Variants in KCNMA1 observed in about 807,000 individuals in gnomAD.
KCNMA1 encodes Calcium-activated potassium channel subunit alpha-1.
KCNMA1 carries 29 observed loss-of-function variants against 140.0 expected under a neutral mutation model. The ratio of observed to expected loss-of-function variants is 0.21; its 90% CI spans 0.15 to 0.28. The LOEUF (loss-of-function observed/expected upper bound fraction) is 0.28. Ranked by LOEUF, KCNMA1 falls within the 10% of genes least tolerant of loss-of-function variation. The pLI is 1.00. For missense variants in KCNMA1, 880 were observed against 1,602.2 expected (o/e 0.55, Z 7.70); for synonymous variants, 612 against 611.9 (o/e 1.00, Z 0.00).
chr10:77,337,596 G>A (rs2089576144), intron 2 of KCNMA1, among the ~76,000 whole-genome samples: 1 of 152,152 alleles, frequency 6.6e-6, no homozygotes, highest in African/African-American at 2.4e-5. Flanking sequence ...CTCCAGCCTG[G>A]GTGACAGAGT....
intron 2 of KCNMA1, among the ~76,000 whole-genome samples, chr10:77,307,628 G>C (rs192323525): frequency 6.6e-6 from 1 of 152,200 alleles, no homozygotes; most frequent in East Asian, 1.9e-4. Context: ...CTCACTGCAA[G>C]CTCCACCTCC....
At chr10:76,995,933 A>G (rs2084167854) in intron 19 of KCNMA1, among the ~76,000 whole-genome samples, 1 of 152,068 alleles carries the variant, frequency 6.6e-6, no homozygotes, top group African/African-American at 2.4e-5. Flanking sequence ...TTGTTTCCCA[A>G]TCCTGTTTCA....
chr10:77,636,139 T>G, intron 1 of KCNMA1: 1 of 1,242,550 alleles, frequency 8.0e-7, no homozygotes, highest in Non-Finnish European at 1.1e-6. Context: ...CCAAAACGGT[T>G]CGCGCGTGAA....
chr10:77,211,901 G>A lies in KCNMA1; in HGVS notation c.603-26985C>T, dbSNP rs1003712527. Among the ~76,000 whole-genome samples the A allele has an allele frequency of 5.5e-4, 84 of 152,144 alleles. 1 individual carries two copies. The highest frequency in any genetic ancestry group is 1.9e-3 in the African/African-American group (78 of 41,538). The stretch of plus-strand genomic sequence containing the variant: ...CAAATTTAAACCACAATGAGATACC[G>A]TCTCACACCAGTTAGAATGGCTATT... On this transcript the variant is annotated intron_variant, in intron 3 of 27. Coordinates refer to ENST00000286628, the MANE Select transcript of KCNMA1 (RefSeq NM_001161352.2).
intron 19 of KCNMA1, among the ~76,000 whole-genome samples, chr10:76,992,527 G>A (rs879534047): frequency 2.0e-5 from 3 of 152,130 alleles, no homozygotes; most frequent in South Asian, 2.1e-4. Flanking sequence ...CAACAAGCTG[G>A]TTTGGGAGAA....
chr10:76,918,881 T>C (rs959698117), intron 23 of KCNMA1, among the ~76,000 whole-genome samples: 2 of 149,358 alleles, frequency 1.3e-5, no homozygotes, highest in Admixed American at 1.4e-4. Flanking sequence ...AACTGTGAGA[T>C]ATATATATAT....
At chr10:77,291,680 A>G (rs184163575) in intron 2 of KCNMA1, among the ~76,000 whole-genome samples, 44 of 152,332 alleles carry the variant, frequency 2.9e-4, no homozygotes, top group African/African-American at 1.1e-3. Flanking sequence ...GGCTGCGGTG[A>G]GCTGCTTCAT....
chr10:76,931,159 C>T (rs1379447027), intron 23 of KCNMA1, among the ~76,000 whole-genome samples: 1 of 151,976 alleles, frequency 6.6e-6, no homozygotes, highest in African/African-American at 2.4e-5. Context: ...GACACACACC[C>T]GGGCACACAC....
At chr10:77,304,948 G>A (rs1013666369) in intron 2 of KCNMA1, among the ~76,000 whole-genome samples, 18 of 152,178 alleles carry the variant, frequency 1.2e-4, no homozygotes, top group Admixed American at 6.5e-5. Flanking sequence ...CTAGAACCAA[G>A]GTAATGCTTC....
chr10:76,941,754 C>T (rs1304590166), intron 23 of KCNMA1, among the ~76,000 whole-genome samples: 1 of 152,076 alleles, frequency 6.6e-6, no homozygotes, highest in African/African-American at 2.4e-5. Flanking sequence ...GTCATTTGTG[C>T]GGTCTTAGTC....
At chr10:77,476,630 G>A (rs188139736) in intron 1 of KCNMA1, among the ~76,000 whole-genome samples, 64 of 152,304 alleles carry the variant, frequency 4.2e-4, no homozygotes, top group Non-Finnish European at 7.3e-4. Flanking sequence ...GCCTTTTTAT[G>A]AGGAAGAAAA....
At chr10:77,135,854 T>C (rs1361481584) in intron 5 of KCNMA1, among the ~76,000 whole-genome samples, 1 of 152,118 alleles carries the variant, frequency 6.6e-6, no homozygotes, top group East Asian at 1.9e-4. Flanking sequence ...GATACAAAAT[T>C]TCAGTTAAAT....
intron 5 of KCNMA1, among the ~76,000 whole-genome samples, chr10:77,167,953 G>A (rs147760842): frequency 1.3e-5 from 2 of 152,214 alleles, no homozygotes; most frequent in East Asian, 1.9e-4. Context: ...AAATTGCTGG[G>A]ATTACAGGCA....
chr10:77,312,139 G>A (rs1264001868), intron 2 of KCNMA1, among the ~76,000 whole-genome samples: 1 of 152,242 alleles, frequency 6.6e-6, no homozygotes, highest in Non-Finnish European at 1.5e-5. Context: ...GTGCTAGGGT[G>A]AGGTGAGGGG....
chr10:77,561,655 T>A (rs1444438263), intron 1 of KCNMA1, among the ~76,000 whole-genome samples: 1 of 152,024 alleles, frequency 6.6e-6, no homozygotes, highest in African/African-American at 2.4e-5. Flanking sequence ...CATTTAACAA[T>A]GGGTAAGGCA....
At chr10:77,288,872 A>C (rs1446296511) in intron 2 of KCNMA1, among the ~76,000 whole-genome samples, 2 of 152,196 alleles carry the variant, frequency 1.3e-5, no homozygotes, top group African/African-American at 2.4e-5. Flanking sequence ...CATAACCTGG[A>C]GTTTGCATCT....
At chr10:77,614,831 C>A (rs1384677057) in intron 1 of KCNMA1, among the ~76,000 whole-genome samples, 1 of 152,210 alleles carries the variant, frequency 6.6e-6, no homozygotes, top group African/African-American at 2.4e-5. Flanking sequence ...CAAGCAAGCA[C>A]CACATGACTG....
chr10:76,977,626 T>C (rs760950512), intron 19 of KCNMA1: 1 of 702,790 alleles, frequency 1.4e-6, no homozygotes, highest in African/African-American at 1.7e-5. Context: ...CAAAGAACAA[T>C]GTTCTTCCCA....
At chr10:77,320,538 G>A (rs577956537) in intron 2 of KCNMA1, among the ~76,000 whole-genome samples, 1 of 152,224 alleles carries the variant, frequency 6.6e-6, no homozygotes, top group Non-Finnish European at 1.5e-5. Context: ...TGCCACACAG[G>A]TGTGGGAGCC....
Sources: gnomAD v4.1 joint callset for allele counts (sites outside exome capture counted in the v4.1 genomes callset) on GRCh38, gnomAD v4.1.1 for gene constraint, MANE v1.5 for transcripts, NCBI Gene and HGNC (gene_info 2026-07-23, HGNC 2026-07-21) for gene names.